The following EHMT2 variants were observed in gnomAD, a reference collection of about 807,000 sequenced individuals.
EHMT2 encodes the protein histone-lysine N-methyltransferase EHMT2.
EHMT2 carries 59 observed loss-of-function variants against 143.3 expected under a neutral mutation model. The observed-to-expected ratio is 0.41, with a 90% CI of 0.33 to 0.51. The LOEUF (loss-of-function observed/expected upper bound fraction) is 0.51, where lower values mean the gene tolerates loss of function less well. Among genes scored for constraint, EHMT2 ranks in the 20% least tolerant of loss-of-function variants. The pLI, the probability that EHMT2 is intolerant of heterozygous loss-of-function variation, is 0.18. For synonymous variants in EHMT2, 604 were observed against 651.5 expected, an observed-to-expected ratio of 0.93 and a Z score of 1.11; for missense variants, 1,174 against 1,645.9, an observed-to-expected ratio of 0.71 and a Z score of 4.96.
chr6:31,887,022 G>A (rs149787986), exon 16 of EHMT2: 88 of 1,613,784 alleles, frequency 5.5e-5, no homozygotes, highest in Non-Finnish European at 7.2e-5. Flanking sequence ...AGATCTCCAC[G>A]GAGCCCTTCT....
Position 31,880,135 on chromosome 6 carries a change from T to C in EHMT2, c.3582A>G (p.Pro1194=), listed in dbSNP as rs748604122. The C allele has an allele frequency of 3.1e-6, 5 of 1,612,962 alleles. No homozygotes were observed. In the South Asian group the frequency reaches 4.4e-5, roughly 14 times the overall value. ...CGAGCTCGGGCAGCAGCTCAGGGTGTGGGTCCAGGCGGGCCAGACGGCTCT... is the reference window on the plus strand; with the variant it reads ...CGAGCTCGGGCAGCAGCTCAGGGTGCGGGTCCAGGCGGGCCAGACGGCTCT... Residue 1194 remains proline (P), a synonymous_variant, in exon 28 of 28, where the codon CCA becomes CCG. Coordinates refer to ENST00000375537, the Ensembl canonical transcript of EHMT2. This position sits in a 1 kb window ranked among gnomAD's most constrained non-coding sequence, Gnocchi z 6.6.
rs145436475 is a variant in EHMT2, at chr6:31,882,809, G to A, written c.3111-24C>T. The A allele has an allele frequency of 5.2e-3, 8,382 of 1,612,154 alleles. 103 individuals carry two copies. Among genetic ancestry groups the A allele is most frequent in the East Asian group, 0.037 (1,671 of 44,864 alleles). ...CCCTGGGGGTAGGAGAGATGGCGCTGTTGGGTGGAGGCCCTGGAAAAGCCC... is the reference window on the plus strand; with the variant it reads ...CCCTGGGGGTAGGAGAGATGGCGCTATTGGGTGGAGGCCCTGGAAAAGCCC... On this transcript the variant is annotated intron_variant, in intron 24 of 27. Coordinates refer to ENST00000375537, the Ensembl canonical transcript of EHMT2.
At chr6:31,897,305 G>A in intron 1 of EHMT2, 4 of 639,380 alleles carry the variant, frequency 6.3e-6, no homozygotes, top group Non-Finnish European at 8.9e-6. Flanking sequence ...TGTCCCCCAG[G>A]CCGCGGGGAC....
intron 18 of EHMT2, chr6:31,885,218 C>G (rs1764673810): frequency 1.6e-6 from 1 of 607,708 alleles, no homozygotes; most frequent in Middle Eastern, 4.4e-4. Context: ...TGGCTCATGC[C>G]TGTAATCCCA....
At position 31,880,877 on chromosome 6, in the gene EHMT2, T is replaced by A; in HGVS notation, c.3277-29A>T. ...GGGCAGGGGGATGGCACTCTTCACA[T>A]CTCCCCCGACCCTGCTTGCCCTCCC... is the stretch of plus-strand genomic sequence containing the variant. On this transcript the variant is annotated intron_variant, in intron 26 of 27. Transcript: ENST00000375537. The surrounding 1 kb of genome is among the most constrained non-coding windows in gnomAD (Gnocchi z 6.6). 1 of 1,611,926 alleles carries A rather than the reference T, an allele frequency of 6.2e-7. No homozygotes were observed. Among genetic ancestry groups the A allele is most frequent in the South Asian group, 1.1e-5 (1 of 91,020 alleles).
intron 7 of EHMT2, among the ~76,000 whole-genome samples, chr6:31,891,284 C>T (rs1390001301): frequency 1.3e-5 from 2 of 152,132 alleles, no homozygotes; most frequent in African/African-American, 4.8e-5. Context: ...GTGTGGGCCT[C>T]ATTTGGATCT....
At position 31,888,894 on chromosome 6, in the gene EHMT2, G is replaced by T; in HGVS notation, c.1216+75C>A. 1 of 1,507,218 alleles carries T rather than the reference G, an allele frequency of 6.6e-7. No individual in the cohort carries two copies. The highest frequency in any genetic ancestry group is 9.0e-7 in the Non-Finnish European group (1 of 1,109,486). The allele number at this position is 1,507,218 out of a possible 1,614,324, so 93.4% of individuals were successfully genotyped here. A position where few individuals can be genotyped will look rare whatever the true frequency, so the allele number is the denominator to read the frequency against. On this transcript the variant is annotated intron_variant, in intron 10 of 27. Coordinates refer to ENST00000375537, the Ensembl canonical transcript of EHMT2. This position sits in a 1 kb window ranked among gnomAD's most constrained non-coding sequence, Gnocchi z 7.4. Reference sequence around the variant, plus strand: ...CCATGGACACCCCGGCTCTGGCGTGGTTCCCCTCCTTCCCTTTCCCTCCTG... The same window carrying T: ...CCATGGACACCCCGGCTCTGGCGTGTTTCCCCTCCTTCCCTTTCCCTCCTG...
exon 3 of EHMT2, chr6:31,896,766 G>A: frequency 6.2e-7 from 1 of 1,613,062 alleles, no homozygotes; most frequent in Admixed American, 1.7e-5. Context: ...CCAGGGAGTC[G>A]GGGGTGGCCT....
Position 31,883,972 on chromosome 6 carries a change from G to C in EHMT2, c.2772-22C>G, listed in dbSNP as rs1261913696. On this transcript the variant is annotated intron_variant, in intron 21 of 27. Transcript: ENST00000375537. The surrounding 1 kb of genome is among the most constrained non-coding windows in gnomAD (Gnocchi z 5.6). ...GTCCCTGCAGAAGACGGGAAGAAGG[G>C]GCTGGGAAGCTGGAAAAGGGGGTGA... 1.2e-6 allele frequency: 2 copies of C among 1,610,838 alleles called. No homozygotes were observed. The highest frequency in any genetic ancestry group is 4.5e-5 in the East Asian group (2 of 44,806).
In EHMT2 at chr6:31,889,360, G is replaced by A; in HGVS notation, c.1000-18C>T. Reference sequence around the variant, plus strand: ...GAACCACTCTGGGAAGGGGGAGGAGGAGGAGTTAGGAACCCTCACCCCCAG... The same window carrying A: ...GAACCACTCTGGGAAGGGGGAGGAGAAGGAGTTAGGAACCCTCACCCCCAG... On this transcript the variant is annotated intron_variant, in intron 8 of 27. Coordinates refer to ENST00000375537, the Ensembl canonical transcript of EHMT2. This position sits in a 1 kb window ranked among gnomAD's most constrained non-coding sequence, Gnocchi z 5.1. 6.2e-7 allele frequency: 1 copy of A among 1,610,978 alleles called. No homozygotes were observed. The highest frequency in any genetic ancestry group is 8.5e-7 in the Non-Finnish European group (1 of 1,179,564).
Position 31,884,825 on chromosome 6 carries a change from G to A in EHMT2, c.2449-26C>T, listed in dbSNP as rs1764609739. 6.3e-7 allele frequency: 1 copy of A among 1,586,686 alleles called. No individual in the cohort carries two copies. Among genetic ancestry groups the A allele is most frequent in the Non-Finnish European group, 8.6e-7 (1 of 1,163,130 alleles). On this transcript the variant is annotated intron_variant, in intron 19 of 27. Transcript: ENST00000375537. The surrounding 1 kb of genome is among the most constrained non-coding windows in gnomAD (Gnocchi z 7.3). ...CTGTGGAGGTAGGAGGGGAACAGAT[G>A]AGGTGCAGGCAGCTGGGCCCTTGAA... is the stretch of plus-strand genomic sequence containing the variant.
Position 31,889,192 on chromosome 6 carries a change from G to T in EHMT2, c.1114+36C>A. ...ACACACTCTGGGGGGCCGGGCGGGG[G>T]CTGGAGGGCACCCAAAAGCAGCAGA... On this transcript the variant is annotated intron_variant, in intron 9 of 27. Transcript: ENST00000375537. This position sits in a 1 kb window ranked among gnomAD's most constrained non-coding sequence, Gnocchi z 5.1. 6.4e-7 allele frequency: 1 copy of T among 1,574,408 alleles called. No homozygotes were observed. The highest frequency in any genetic ancestry group is 2.3e-5 in the East Asian group (1 of 43,024).
chr6:31,896,451 T>G, exon 4 of EHMT2: 1 of 1,613,084 alleles, frequency 6.2e-7, no homozygotes, highest in Non-Finnish European at 8.5e-7. Context: ...GTCATTGACA[T>G]CTTGGCCCGG....
chr6:31,887,834 G>A (rs376225175), exon 14 of EHMT2: 316 of 1,609,900 alleles, frequency 2.0e-4, no homozygotes, highest in Non-Finnish European at 1.9e-4. Flanking sequence ...CCTGGCCCCA[G>A]TGGCAGCCCC....
At chr6:31,882,514 G>T (rs995042013) in intron 25 of EHMT2, among the ~76,000 whole-genome samples, 185 bp downstream of exon 25, 2 of 152,110 alleles carry the variant, frequency 1.3e-5, no homozygotes, top group Non-Finnish European at 2.9e-5. Flanking sequence ...CTCAGCTGGG[G>T]GGATGGGGGT....
intron 4 of EHMT2, chr6:31,893,329 CT>C (rs1423022952): frequency 9.1e-6 from 4 of 441,696 alleles, no homozygotes; most frequent in Admixed American, 2.7e-5. Context: ...GAAAGATATA[CT>C]TTTTTTAAGA....
intron 7 of EHMT2, among the ~76,000 whole-genome samples, chr6:31,891,441 A>G (rs1384581260): frequency 1.3e-5 from 2 of 152,232 alleles, no homozygotes; most frequent in African/African-American, 4.8e-5. Flanking sequence ...TTACAAATCT[A>G]TATGGATATA....
intron 7 of EHMT2, among the ~76,000 whole-genome samples, chr6:31,891,332 G>A (rs1363724055): frequency 1.3e-5 from 2 of 149,694 alleles, no homozygotes; most frequent in Non-Finnish European, 2.9e-5. Context: ...GAAATGTGAA[G>A]ACTGACAGGA....
Position 31,889,700 on chromosome 6 carries a change from A to C in EHMT2, c.865-98T>G. On this transcript the variant is annotated intron_variant, in intron 7 of 27. Coordinates refer to ENST00000375537, the Ensembl canonical transcript of EHMT2. This position sits in a 1 kb window ranked among gnomAD's most constrained non-coding sequence, Gnocchi z 5.1. ...CCACCATTGCCCCCCGCCACTACCC[A>C]CGGATGGCTGCTGGGGATAAGTGTG... The C allele has an allele frequency of 6.2e-6, 9 of 1,459,000 alleles. No individual in the cohort carries two copies. Among genetic ancestry groups the C allele is most frequent in the Admixed American group, 1.8e-5 (1 of 55,918 alleles). The allele number at this position is 1,459,000 out of a possible 1,614,324, so 90.4% of individuals were successfully genotyped here. A position where few individuals can be genotyped will look rare whatever the true frequency, so the allele number is the denominator to read the frequency against.
Sources: gnomAD v4.1 joint callset for allele counts (sites outside exome capture counted in the v4.1 genomes callset) on GRCh38, gnomAD v4.1.1 for gene constraint, Gnocchi (gnomAD v3.1) non-coding constraint, MANE v1.5 for transcripts, NCBI Gene and HGNC (gene_info 2026-07-23, HGNC 2026-07-21) for gene names.